RBFOX1: variants seen among roughly 807,000 people sequenced by gnomAD.
RBFOX1 encodes the protein RNA binding protein fox-1 homolog 1.
A neutral mutation model predicts 57.7 loss-of-function variants in RBFOX1; 8 were observed. The observed-to-expected ratio is 0.14, with a 90% CI of 0.08 to 0.25. RBFOX1 has a LOEUF of 0.25. Among genes scored for constraint, RBFOX1 ranks in the 10% least tolerant of loss-of-function variants. The probability of loss-of-function intolerance (pLI) is 1.00; values close to 1 mark genes in which losing one functional copy is unlikely to be tolerated. For synonymous variants in RBFOX1, 326 were observed against 222.4 expected (o/e 1.47, Z -4.15); for missense variants, 611 against 548.5 (o/e 1.11, Z -1.14).
At chr16:7,274,935 C>T (rs537275093) in intron 4 of RBFOX1, among the ~76,000 whole-genome samples, 30 of 152,168 alleles carry the variant, frequency 2.0e-4, no homozygotes, top group Admixed American at 4.6e-4. Flanking sequence ...CTGCCTGCCT[C>T]GGCCTCCCAA....
In RBFOX1 at chr16:7,579,936, C is replaced by A. The variant is rs772995775; in HGVS notation, c.414+16C>A. Reference sequence around the variant, plus strand: ...AATGTTTGGTGTAAGTATCACCTTTCTTCCCAGCAGTGCCCGCTCTGGGGG... The same window carrying A: ...AATGTTTGGTGTAAGTATCACCTTTATTCCCAGCAGTGCCCGCTCTGGGGG... On this transcript the variant is annotated intron_variant, in intron 6 of 15. Coordinates refer to ENST00000550418, the MANE Select transcript of RBFOX1 (RefSeq NM_018723.4). The A allele has an allele frequency of 9.9e-6, 16 of 1,613,472 alleles. No individual in the cohort carries two copies. Among genetic ancestry groups the A allele is most frequent in the African/African-American group, 2.7e-5 (2 of 74,926 alleles).
chr16:6,593,293 A>G (rs887662045), intron 2 of RBFOX1, among the ~76,000 whole-genome samples: 1 of 152,198 alleles, frequency 6.6e-6, no homozygotes. Context: ...GTATTGCTCA[A>G]TACAGGGTGT....
rs552704220 is a variant in RBFOX1, at chr16:6,860,804, C to G, written c.-15-191253C>G. Among the ~76,000 whole-genome samples, 25 of 152,202 alleles carry G rather than the reference C, an allele frequency of 1.6e-4. No individual in the cohort carries two copies. The South Asian group carries it at 5.2e-3, about 32-fold the overall frequency. ...AAAGTAATTTGCAGCAGGAGACATA[C>G]AGTATGACATCATTTATGTACAGTT... On this transcript the variant is annotated intron_variant, in intron 3 of 15. Transcript: ENST00000550418.
At chr16:6,658,431 A>G (rs943061416) in intron 3 of RBFOX1, among the ~76,000 whole-genome samples, 3 of 149,608 alleles carry the variant, frequency 2.0e-5, no homozygotes, top group Non-Finnish European at 4.5e-5. Flanking sequence ...ATGATCTTGA[A>G]CTCCTGACCT....
intron 3 of RBFOX1, among the ~76,000 whole-genome samples, chr16:6,989,192 G>C (rs1037965208): frequency 6.6e-6 from 1 of 152,084 alleles, no homozygotes; most frequent in Non-Finnish European, 1.5e-5. Context: ...CACTGTGCTT[G>C]GCCTCTTTTT....
intron 2 of RBFOX1, among the ~76,000 whole-genome samples, chr16:6,341,026 C>A (rs769129583): frequency 1.3e-5 from 2 of 152,096 alleles, no homozygotes; most frequent in African/African-American, 4.8e-5. Flanking sequence ...TCCACTGTCT[C>A]TAGGGTCTTG....
intron 3 of RBFOX1, among the ~76,000 whole-genome samples, chr16:6,890,632 T>C (rs4786946): frequency 0.23 from 35,636 of 152,188 alleles, 4,734 homozygotes; most frequent in Admixed American, 0.37. Context: ...TTGGTGTTTG[T>C]AACAGTCTTT....
At chr16:5,944,931 A>T (rs147975343) in intron 4 of RBFOX1, among the ~76,000 whole-genome samples, 1,371 of 135,506 alleles carry the variant, frequency 0.01, 33 homozygotes, top group African/African-American at 0.036. Context: ...GCGCCACTGC[A>T]CTCCAGCCTG....
intron 3 of RBFOX1, among the ~76,000 whole-genome samples, chr16:6,802,027 C>G (rs76040073): frequency 1.4e-4 from 22 of 151,990 alleles, no homozygotes; most frequent in African/African-American, 4.6e-4. Flanking sequence ...TTTTAGACCC[C>G]GCAATAAACT....
intron 14 of RBFOX1, among the ~76,000 whole-genome samples, chr16:7,699,211 A>G (rs1459948468): frequency 2.6e-5 from 4 of 152,200 alleles, no homozygotes; most frequent in Admixed American, 2.0e-4. Context: ...TCTTTGAGAT[A>G]GGGTCTCTGT....
intron 1 of RBFOX1, among the ~76,000 whole-genome samples, chr16:6,164,474 T>TC (rs1567594857): frequency 6.6e-6 from 1 of 151,122 alleles, no homozygotes; most frequent in African/African-American, 2.4e-5. Flanking sequence ...TATTGATTTT[T>TC]TTTTTTTTTT....
At chr16:6,865,405 C>G (rs997355429) in intron 3 of RBFOX1, among the ~76,000 whole-genome samples, 2 of 152,090 alleles carry the variant, frequency 1.3e-5, no homozygotes, top group African/African-American at 2.4e-5. Flanking sequence ...AAAATCATTT[C>G]TAATTTTACC....
At chr16:6,907,651 G>T (rs1596827892) in intron 3 of RBFOX1, among the ~76,000 whole-genome samples, 1 of 152,202 alleles carries the variant, frequency 6.6e-6, no homozygotes, top group Non-Finnish European at 1.5e-5. Context: ...GCTCACTGCA[G>T]CCTCTGCCTC....
chr16:5,367,138 C>G (rs960591068), intron 1 of RBFOX1, among the ~76,000 whole-genome samples: 1 of 152,112 alleles, frequency 6.6e-6, no homozygotes, highest in Non-Finnish European at 1.5e-5. Context: ...AATTTTTAGA[C>G]AAATGATTTT....
At chr16:7,029,770 G>C (rs991579510) in intron 3 of RBFOX1, among the ~76,000 whole-genome samples, 1 of 152,156 alleles carries the variant, frequency 6.6e-6, no homozygotes, top group African/African-American at 2.4e-5. Flanking sequence ...AATGATTAAA[G>C]TCCCATGTGA....
At chr16:5,694,179 C>A (rs925517252) in intron 3 of RBFOX1, among the ~76,000 whole-genome samples, 2 of 152,156 alleles carry the variant, frequency 1.3e-5, no homozygotes, top group Non-Finnish European at 2.9e-5. Context: ...ATTTTGCATT[C>A]TGCATTTTTC....
intron 1 of RBFOX1, among the ~76,000 whole-genome samples, chr16:5,278,394 G>A (rs945392808): frequency 2.0e-5 from 3 of 152,048 alleles, no homozygotes; most frequent in Non-Finnish European, 4.4e-5. Flanking sequence ...TGCTTTTGTG[G>A]CGATTGCGTT....
intron 3 of RBFOX1, among the ~76,000 whole-genome samples, chr16:5,841,491 T>C (rs887579459): frequency 6.6e-6 from 1 of 152,176 alleles, no homozygotes; most frequent in Non-Finnish European, 1.5e-5. Flanking sequence ...AATTGCCAGA[T>C]ATAACAAGTA....
At chr16:7,284,278 G>T (rs1365265010) in intron 4 of RBFOX1, among the ~76,000 whole-genome samples, 1 of 152,180 alleles carries the variant, frequency 6.6e-6, no homozygotes, top group Non-Finnish European at 1.5e-5. Context: ...TAGTTCTCCT[G>T]GGTAAATTCC....
Sources: allele counts gnomAD v4.1 joint callset (sites outside exome capture counted in the v4.1 genomes callset), GRCh38; gene constraint gnomAD v4.1.1; transcripts MANE v1.5; gene names NCBI Gene and HGNC (gene_info 2026-07-23, HGNC 2026-07-21).